The following FAM204A variants were observed in gnomAD, a reference collection of about 807,000 sequenced individuals.
The protein encoded by FAM204A is family with sequence similarity 204 member A.
FAM204A carries 16 observed loss-of-function variants against 35.4 expected under a neutral mutation model. That is an observed-to-expected ratio of 0.45 (90% CI 0.31 to 0.69). The LOEUF (loss-of-function observed/expected upper bound fraction) is 0.69. Among genes scored for constraint, FAM204A ranks in the 30% least tolerant of loss-of-function variants. The probability of loss-of-function intolerance (pLI) is 0.07; values close to 1 mark genes in which losing one functional copy is unlikely to be tolerated. For missense variants in FAM204A, 240 were observed against 265.7 expected (o/e 0.90, Z 0.67); for synonymous variants, 76 against 86.9 (o/e 0.88, Z 0.70).
intron 6 of FAM204A, among the ~76,000 whole-genome samples, chr10:118,327,265 G>A (rs171025): frequency 0.024 from 3,717 of 152,222 alleles, 47 homozygotes; most frequent in South Asian, 0.068. Flanking sequence ...TCAACTGAGA[G>A]AATTTTGTTC....
chr10:118,314,287 G>GT (rs1233627604), intron 7 of FAM204A, among the ~76,000 whole-genome samples: 1 of 152,114 alleles, frequency 6.6e-6, no homozygotes, highest in Non-Finnish European at 1.5e-5. Context: ...TAAATAAAAT[G>GT]TTCTTCAGCT....
chr10:118,339,744 T>C (rs987636481), intron 2 of FAM204A, among the ~76,000 whole-genome samples: 1 of 152,148 alleles, frequency 6.6e-6, no homozygotes, highest in Non-Finnish European at 1.5e-5. Flanking sequence ...TATCACTTTC[T>C]TCATTTTACA....
At position 118,305,826 on chromosome 10, in the gene FAM204A, C is replaced by T. The variant is rs1195624747; in HGVS notation, c.*5031G>A. The T allele has an allele frequency of 1.3e-5, 2 of 152,182 alleles. No individual in the cohort carries two copies. Among genetic ancestry groups the T allele is most frequent in the Non-Finnish European group, 2.9e-5 (2 of 68,016 alleles). 9.4% of individuals were successfully genotyped at this position (152,182 alleles called of 1,614,324 possible). ...TTATGTAGGGAGAAATTCAAAGAAACGCAAAGCTTCATTGTTTCACTATTC... is the reference window on the plus strand; with the variant it reads ...TTATGTAGGGAGAAATTCAAAGAAATGCAAAGCTTCATTGTTTCACTATTC... On this transcript the variant is annotated 3_prime_UTR_variant, in exon 9 of 9. Coordinates refer to ENST00000369183, the MANE Select transcript of FAM204A (RefSeq NM_022063.3).
chr10:118,336,514 T>C, intron 2 of FAM204A, 91 bp from the exon 3 acceptor site: 1 of 1,216,260 alleles, frequency 8.2e-7, no homozygotes, highest in Non-Finnish European at 1.1e-6. Context: ...CTAATAATTA[T>C]AACAATGGTT....
In FAM204A at chr10:118,301,138, C is replaced by T. The variant is rs916034803; in HGVS notation, c.*9719G>A. 1.3e-5 allele frequency: 2 copies of T among 152,168 alleles called. No individual in the cohort carries two copies. The highest frequency in any genetic ancestry group is 4.8e-5 in the African/African-American group (2 of 41,426). The allele number at this position is 152,168 out of a possible 1,614,324, so 9.4% of individuals were successfully genotyped here. ...TTAACCTCCTTGGCTCAACTGGGAACTCTTTGAAGGCTAGGGCCATCAATT... is the reference window on the plus strand; with the variant it reads ...TTAACCTCCTTGGCTCAACTGGGAATTCTTTGAAGGCTAGGGCCATCAATT... On this transcript the variant is annotated 3_prime_UTR_variant, in exon 9 of 9. Transcript: ENST00000369183.
chr10:118,320,481 G>C (rs949303672), intron 7 of FAM204A, among the ~76,000 whole-genome samples: 3 of 151,756 alleles, frequency 2.0e-5, no homozygotes, highest in Non-Finnish European at 2.9e-5. Flanking sequence ...TCAATGAATG[G>C]AATGTACATC....
chr10:118,336,618 A>C (rs1000297430), intron 2 of FAM204A, among the ~76,000 whole-genome samples, 195 bp from the exon 3 acceptor site: 3 of 151,902 alleles, frequency 2.0e-5, no homozygotes, highest in African/African-American at 4.8e-5. Context: ...TGTGTAAGTA[A>C]AAAAAAAGTT....
Position 118,308,177 on chromosome 10 carries a change from T to TA in FAM204A, c.*2679dup, listed in dbSNP as rs1175903395. The TA allele has an allele frequency of 1.3e-5, 2 of 152,192 alleles. No individual in the cohort carries two copies. The highest frequency in any genetic ancestry group is 2.9e-5 in the Non-Finnish European group (2 of 68,032). The allele number at this position is 152,192 out of a possible 1,614,324, so 9.4% of individuals were successfully genotyped here. A position where few individuals can be genotyped will look rare whatever the true frequency, so the allele number is the denominator to read the frequency against. ...GTAAGATGTTTTAGCCTAAAGTACT[T>TA]AAATAGTAAATCATAGTTACATTAA... is the stretch of plus-strand genomic sequence containing the variant. On this transcript the variant is annotated 3_prime_UTR_variant, in exon 9 of 9. Transcript: ENST00000369183.
Position 118,301,819 on chromosome 10 carries a change from GC to G in FAM204A, c.*9037del, listed in dbSNP as rs1330208757. 6.6e-6 allele frequency: 1 copy of G among 152,208 alleles called. No individual in the cohort carries two copies. Among genetic ancestry groups the G allele is most frequent in the African/African-American group, 2.4e-5 (1 of 41,442 alleles). 9.4% of individuals were successfully genotyped at this position (152,208 alleles called of 1,614,324 possible). On this transcript the variant is annotated 3_prime_UTR_variant, in exon 9 of 9. Transcript: ENST00000369183. The stretch of plus-strand genomic sequence containing the variant: ...AAGGTACAGAGAGATTAAGTAGCCT[GC>G]CGGAGGTTACACAGCTTGTAAGTAG...
rs1308296656 is a variant in FAM204A, at chr10:118,341,826, C to T, written c.-108G>A. Reference sequence around the variant, plus strand: ...CAGGCTTTCTGGCGGCAATGCCACACTCCAATCCCAAAAGAGAGAGAAGCC... The same window carrying T: ...CAGGCTTTCTGGCGGCAATGCCACATTCCAATCCCAAAAGAGAGAGAAGCC... On this transcript the variant is annotated 5_prime_UTR_variant, in exon 2 of 9. The change creates a new upstream start codon in the 5' untranslated region. Coordinates refer to ENST00000369183, the MANE Select transcript of FAM204A (RefSeq NM_022063.3). 2 of 152,332 alleles carry T rather than the reference C, an allele frequency of 1.3e-5. No individual in the cohort carries two copies. The highest frequency in any genetic ancestry group is 1.9e-4 in the East Asian group (1 of 5,182). 9.4% of individuals were successfully genotyped at this position (152,332 alleles called of 1,614,324 possible).
rs1589713808 is a variant in FAM204A at position 118,299,394 on chromosome 10, T to G, written c.*11463A>C. 9.4e-6 allele frequency: 1 copy of G among 106,404 alleles called. No individual in the cohort carries two copies. Among genetic ancestry groups the G allele is most frequent in the Non-Finnish European group, 1.9e-5 (1 of 52,350 alleles). 6.6% of individuals were successfully genotyped at this position (106,404 alleles called of 1,614,324 possible). A position where few individuals can be genotyped will look rare whatever the true frequency, so the allele number is the denominator to read the frequency against. On this transcript the variant is annotated 3_prime_UTR_variant, in exon 9 of 9. Transcript: ENST00000369183. ...TCCTCCTTTCTGCTTCCAGAAGGTT[T>G]TTTTTTTTTTTTTTTTTTTGAGACA... is the stretch of plus-strand genomic sequence containing the variant.
intron 7 of FAM204A, chr10:118,322,293 T>C (rs1846130317): frequency 8.8e-6 from 4 of 455,398 alleles, no homozygotes; most frequent in Non-Finnish European, 1.3e-5. Flanking sequence ...TGGAGAAATC[T>C]GGAGACACTA....
At chr10:118,315,356 A>G (rs1274232046) in intron 7 of FAM204A, among the ~76,000 whole-genome samples, 2 of 152,204 alleles carry the variant, frequency 1.3e-5, no homozygotes, top group East Asian at 1.9e-4. Flanking sequence ...TTAATCTAGC[A>G]TAACTGTAAA....
At chr10:118,322,026 C>A (rs1392855931) in intron 7 of FAM204A, among the ~76,000 whole-genome samples, 1 of 152,102 alleles carries the variant, frequency 6.6e-6, no homozygotes, top group Non-Finnish European at 1.5e-5. Context: ...ATTCTATAAT[C>A]CAACAGCTCA....
At chr10:118,321,183 C>T (rs944868381) in intron 7 of FAM204A, among the ~76,000 whole-genome samples, 2 of 151,828 alleles carry the variant, frequency 1.3e-5, no homozygotes, top group Non-Finnish European at 2.9e-5. Context: ...CAAAAGGACA[C>T]CTATCATGCA....
At chr10:118,334,790 T>C (rs988131126) in intron 6 of FAM204A, among the ~76,000 whole-genome samples, 1 of 152,182 alleles carries the variant, frequency 6.6e-6, no homozygotes, top group African/African-American at 2.4e-5. Flanking sequence ...AGGATCTTTA[T>C]CCATGCCTCT....
intron 7 of FAM204A, among the ~76,000 whole-genome samples, chr10:118,322,875 T>C (rs78235565): frequency 0.03 from 4,621 of 152,162 alleles, 210 homozygotes; most frequent in African/African-American, 0.1. Context: ...AAAAGGAACA[T>C]AGAACCTGCA....
Position 118,323,269 on chromosome 10 carries a change from C to T in FAM204A, c.543+2885G>A, listed in dbSNP as rs150068435. Among the ~76,000 whole-genome samples the T allele has an allele frequency of 5.8e-3, 876 of 152,186 alleles. 5 individuals are homozygous for T. The highest frequency in any genetic ancestry group is 0.02 in the African/African-American group (835 of 41,538). On this transcript the variant is annotated intron_variant, in intron 7 of 8. Coordinates refer to ENST00000369183, the MANE Select transcript of FAM204A (RefSeq NM_022063.3). Reference sequence around the variant, plus strand: ...AATAGGGCAGCCATACTCTATGTCCCTGCTGGTTTTTCTTATGTGCCTGTC... The same window carrying T: ...AATAGGGCAGCCATACTCTATGTCCTTGCTGGTTTTTCTTATGTGCCTGTC...
Position 118,308,970 on chromosome 10 carries a change from C to CA in FAM204A, c.*1886dup, listed in dbSNP as rs763469471. On this transcript the variant is annotated 3_prime_UTR_variant, in exon 9 of 9. Coordinates refer to ENST00000369183, the MANE Select transcript of FAM204A (RefSeq NM_022063.3). ...AGAATATCTATACCACTCGCCTGCT[C>CA]AAAAATAACATTTTTAGGATTTCAG... 103 of 151,992 alleles carry CA rather than the reference C, an allele frequency of 6.8e-4. No individual in the cohort carries two copies. Among genetic ancestry groups the CA allele is most frequent in the Admixed American group, 2.1e-3 (32 of 15,276 alleles). 9.4% of individuals were successfully genotyped at this position (151,992 alleles called of 1,614,324 possible).
Sources: allele counts gnomAD v4.1 joint callset (sites outside exome capture counted in the v4.1 genomes callset), GRCh38; gene constraint gnomAD v4.1.1; transcripts MANE v1.5; gene names NCBI Gene and HGNC (gene_info 2026-07-23, HGNC 2026-07-21).